PPP1R13B: variants seen among roughly 807,000 people sequenced by gnomAD.
PPP1R13B encodes protein phosphatase 1 regulatory subunit 13B, also known as apoptosis-stimulating of p53 protein 1.
PPP1R13B carries 44 observed loss-of-function variants against 119.8 expected under a neutral mutation model. The observed-to-expected ratio is 0.37, with a 90% CI of 0.29 to 0.47. The LOEUF (loss-of-function observed/expected upper bound fraction) is 0.47. Among genes scored for constraint, PPP1R13B ranks in the 20% least tolerant of loss-of-function variants. The pLI, the probability that PPP1R13B is intolerant of heterozygous loss-of-function variation, is 0.99. For missense variants in PPP1R13B, 1,227 were observed against 1,413.5 expected (o/e 0.87, Z 2.12); for synonymous variants, 542 against 561.5 (o/e 0.97, Z 0.49).
chr14:103,780,111 T>G (rs984164721), intron 3 of PPP1R13B, among the ~76,000 whole-genome samples: 14 of 151,126 alleles, frequency 9.3e-5, no homozygotes, highest in Admixed American at 8.6e-4. Context: ...ATAGCACCAC[T>G]GCACACCAGC....
intron 4 of PPP1R13B, among the ~76,000 whole-genome samples, chr14:103,761,634 G>A (rs1402984834): frequency 6.6e-6 from 1 of 151,818 alleles, no homozygotes; most frequent in Admixed American, 6.6e-5. Flanking sequence ...ATGGTGGCAG[G>A]TGCCTGTAAT....
At chr14:103,792,837 GA>G (rs1201149829) in intron 2 of PPP1R13B, among the ~76,000 whole-genome samples, 1 of 152,026 alleles carries the variant, frequency 6.6e-6, no homozygotes, top group East Asian at 1.9e-4. Flanking sequence ...TTGGGAGGCC[GA>G]GGCAGGTGGA....
At chr14:103,801,423 CT>C (rs2085897560) in intron 1 of PPP1R13B, among the ~76,000 whole-genome samples, 1 of 152,176 alleles carries the variant, frequency 6.6e-6, no homozygotes. Context: ...CTAAACCTCC[CT>C]CCATCAGCAT....
At chr14:103,765,307 T>G (rs568801641) in intron 4 of PPP1R13B, among the ~76,000 whole-genome samples, 1 of 152,304 alleles carries the variant, frequency 6.6e-6, no homozygotes, top group Non-Finnish European at 1.5e-5. Flanking sequence ...AATAAAAAAT[T>G]CCCTAAGCTT....
intron 4 of PPP1R13B, among the ~76,000 whole-genome samples, chr14:103,768,615 T>A (rs1486708634): frequency 1.3e-5 from 2 of 151,296 alleles, no homozygotes; most frequent in Non-Finnish European, 3.0e-5. Flanking sequence ...GTATTTTTAG[T>A]AGCGACAGGG....
chr14:103,809,634 A>G (rs868175098), intron 1 of PPP1R13B, among the ~76,000 whole-genome samples: 1 of 151,958 alleles, frequency 6.6e-6, no homozygotes, highest in African/African-American at 2.4e-5. Context: ...CAGCCTGGGC[A>G]ACATGGCGAA....
In PPP1R13B at chr14:103,754,195, G is replaced by C; in HGVS notation, c.506C>G (p.Ser169Cys). ...CTGAAGCTTTTCATTTTCAGAAATA[G>C]ACTGCTGCTGACGGCGCTCCTGTTG... ...LKQQERRQQQSISENEKLQKL... is the reference protein window; with the variant it reads ...LKQQERRQQQCISENEKLQKL... The change falls in exon 6 of 17, where the codon TCT (serine) becomes TGT (cysteine). Residue 169 changes from serine to cysteine, a missense_variant. Ser to Cys is a moderately radical substitution (Grantham distance 112). Transcript: ENST00000202556. The C allele has an allele frequency of 6.2e-7, 1 of 1,614,012 alleles. No individual in the cohort carries two copies.
rs566052403 is a variant in PPP1R13B, at chr14:103,763,513, T to C, written c.355-5762A>G. ...TATTAAGTTGAATAGAGAGTTGACT[T>C]ATTTTTAGTTTGCTTTTTAATAATA... On this transcript the variant is annotated intron_variant, in intron 4 of 16. Transcript: ENST00000202556. Among the ~76,000 whole-genome samples, 338 of 152,204 alleles carry C rather than the reference T, an allele frequency of 2.2e-3. 1 individual carries two copies. The highest frequency in any genetic ancestry group is 7.8e-3 in the African/African-American group (324 of 41,552).
intron 1 of PPP1R13B, among the ~76,000 whole-genome samples, chr14:103,837,338 G>C (rs1467514423): frequency 6.6e-6 from 1 of 152,170 alleles, no homozygotes; most frequent in Non-Finnish European, 1.5e-5. Context: ...ACATCTTTCT[G>C]GACATGGCAG....
chr14:103,792,548 G>A (rs879529836), intron 2 of PPP1R13B, among the ~76,000 whole-genome samples: 1 of 151,970 alleles, frequency 6.6e-6, no homozygotes, highest in Non-Finnish European at 1.5e-5. Context: ...CATAATTTTC[G>A]TTTTAAAGTA....
upstream of PPP1R13B, chr14:103,848,291 G>A: frequency 6.1e-6 from 6 of 985,454 alleles, no homozygotes; most frequent in Non-Finnish European, 7.2e-6. Context: ...CATCCCTCGA[G>A]GTCCAGCTCC....
At chr14:103,743,596 G>A (rs889525283) in intron 9 of PPP1R13B, among the ~76,000 whole-genome samples, 1 of 152,240 alleles carries the variant, frequency 6.6e-6, no homozygotes, top group African/African-American at 2.4e-5. Flanking sequence ...GAACTAAAGT[G>A]TTCAACGCTT....
intron 3 of PPP1R13B, among the ~76,000 whole-genome samples, chr14:103,784,330 C>T (rs1189912310): frequency 1.3e-5 from 2 of 152,080 alleles, no homozygotes; most frequent in Non-Finnish European, 2.9e-5. Flanking sequence ...CACCTATAAT[C>T]CCAGAACTCT....
At chr14:103,808,996 A>G (rs936106778) in intron 1 of PPP1R13B, among the ~76,000 whole-genome samples, 5 of 151,998 alleles carry the variant, frequency 3.3e-5, no homozygotes, top group Admixed American at 6.6e-5. Flanking sequence ...TCAACTTTCA[A>G]GTAGCTGAGA....
intron 1 of PPP1R13B, among the ~76,000 whole-genome samples, chr14:103,835,616 A>T (rs186973979): frequency 0.083 from 12,212 of 147,696 alleles, 636 homozygotes; most frequent in Admixed American, 0.16. Flanking sequence ...TTATTTATTT[A>T]TTTTTTTTTT....
intron 3 of PPP1R13B, among the ~76,000 whole-genome samples, chr14:103,781,030 T>C (rs957242070): frequency 1.3e-5 from 2 of 152,004 alleles, no homozygotes; most frequent in African/African-American, 4.8e-5. Flanking sequence ...GTACAGCTCC[T>C]GGGCTCATGC....
Position 103,808,796 on chromosome 14 carries a change from A to T in PPP1R13B, c.10-11278T>A, listed in dbSNP as rs528253543. Among the ~76,000 whole-genome samples, 6 of 152,314 alleles carry T rather than the reference A, an allele frequency of 3.9e-5. No individual in the cohort carries two copies. The East Asian group carries it at 1.2e-3, about 29-fold the overall frequency. ...CTTAGAGCAATGAAAATTTTTTTCT[A>T]AATAAATAAGACTGTAGAAGTACAT... On this transcript the variant is annotated intron_variant, in intron 1 of 16. Transcript: ENST00000202556.
chr14:103,759,766 G>A (rs988335173), intron 4 of PPP1R13B, among the ~76,000 whole-genome samples: 21 of 152,120 alleles, frequency 1.4e-4, no homozygotes, highest in Middle Eastern at 6.8e-3. Context: ...GAGGATAGAA[G>A]AGAAATTTAA....
At chr14:103,739,359 C>T (rs767699349) in intron 12 of PPP1R13B, 2 of 340,124 alleles carry the variant, frequency 5.9e-6, no homozygotes, top group Non-Finnish European at 1.1e-5. Flanking sequence ...GCCAGCAGCT[C>T]GTTCCTGCCC....
Sources: allele counts gnomAD v4.1 joint callset (sites outside exome capture counted in the v4.1 genomes callset), GRCh38; gene constraint gnomAD v4.1.1; transcripts MANE v1.5; gene names NCBI Gene and HGNC (gene_info 2026-07-23, HGNC 2026-07-21).